The following SMCHD1 variants were observed in gnomAD, a reference collection of about 807,000 sequenced individuals.
SMCHD1 encodes structural maintenance of chromosomes flexible hinge domain-containing protein 1.
A neutral mutation model predicts 254.7 loss-of-function variants in SMCHD1; 78 were observed. The ratio of observed to expected loss-of-function variants is 0.31; its 90% CI spans 0.26 to 0.37. The LOEUF is 0.37. Among genes scored for constraint, SMCHD1 ranks in the 10% least tolerant of loss-of-function variants. The pLI, the probability that SMCHD1 is intolerant of heterozygous loss-of-function variation, is 1.00. For synonymous variants in SMCHD1, 766 were observed against 794.9 expected (o/e 0.96, Z 0.61); for missense variants, 1,840 against 2,408.1 (o/e 0.76, Z 4.94).
intron 1 of SMCHD1, among the ~76,000 whole-genome samples, chr18:2,664,747 C>T (rs1036698132): frequency 2.6e-5 from 4 of 152,176 alleles, no homozygotes; most frequent in African/African-American, 9.7e-5. Context: ...CAGCAGGATT[C>T]CTCCATAAGG....
At chr18:2,775,051 C>T (rs2076043591) in intron 41 of SMCHD1, among the ~76,000 whole-genome samples, 1 of 139,048 alleles carries the variant, frequency 7.2e-6, no homozygotes, top group South Asian at 2.3e-4. Flanking sequence ...TTCCTAGAAA[C>T]AGAAGCAAAA....
chr18:2,687,531 G>A (rs947066830), intron 5 of SMCHD1, among the ~76,000 whole-genome samples: 9 of 151,956 alleles, frequency 5.9e-5, no homozygotes, highest in African/African-American at 2.2e-4. Flanking sequence ...TTACAGTGAT[G>A]TTGATTTCTT....
At chr18:2,666,094 A>G (rs2073427623) in intron 1 of SMCHD1, 63 bp from the exon 2 acceptor site, 2 of 742,216 alleles carry the variant, frequency 2.7e-6, no homozygotes, top group South Asian at 1.9e-5. Flanking sequence ...ATATTTTTAT[A>G]AATTTGAATA....
chr18:2,782,073 T>C (rs2076165557), intron 44 of SMCHD1, among the ~76,000 whole-genome samples: 1 of 152,232 alleles, frequency 6.6e-6, no homozygotes, highest in East Asian at 1.9e-4. Context: ...ATAGCACATA[T>C]TGATTTCCTT....
Position 2,775,890 on chromosome 18 carries a change from T to A in SMCHD1, c.5332T>A (p.Ser1778Thr). 6.2e-7 allele frequency: 1 copy of A among 1,604,946 alleles called. No individual in the cohort carries two copies. The highest frequency in any genetic ancestry group is 1.1e-5 in the South Asian group (1 of 89,200). The change falls in exon 42 of 48, where the codon TCT becomes ACT. Residue 1778 changes from serine to threonine, a missense_variant. Ser to Thr is a moderately conservative substitution (Grantham distance 58, BLOSUM62 1). Around this residue, in one of 9 missense-constraint regions of SMCHD1, gnomAD observed 114 missense variants for 217.6 expected, o/e 0.52. Coordinates refer to ENST00000320876, the MANE Select transcript of SMCHD1 (RefSeq NM_015295.3). ...TCGTCAGCAGGTGTTGCCCCTTGAT[T>A]CTATTTACAAGAAGACTCTTCCAGA... Reference protein sequence around the residue: ...QGRQQVLPLDSIYKKTLPDWK... With the variant: ...QGRQQVLPLDTIYKKTLPDWK...
chr18:2,734,664 A>G (rs1177484200), intron 25 of SMCHD1, among the ~76,000 whole-genome samples: 2 of 98,862 alleles, frequency 2.0e-5, no homozygotes, highest in African/African-American at 3.8e-5. Flanking sequence ...TTTTTTTTTT[A>G]ATACAATAAA....
At chr18:2,780,264 AAAG>A (rs1373054280) in intron 44 of SMCHD1, among the ~76,000 whole-genome samples, 1,479 of 115,234 alleles carry the variant, frequency 0.013, 35 homozygotes, top group East Asian at 0.024. Flanking sequence ...AAAAAAAAAA[AAAG>A]GCAATAATAA....
rs199921653 is a variant in SMCHD1, at chr18:2,792,861, GTGA to G, written c.5720-3083_5720-3081del. Reference sequence around the variant, plus strand: ...TGTTTTGTTATGGGAATAGAGCAGTGTGATGATCTCTCATGGACCTGTCACCTA... The same window carrying G: ...TGTTTTGTTATGGGAATAGAGCAGTGTGATCTCTCATGGACCTGTCACCTA... On this transcript the variant is annotated intron_variant, in intron 45 of 47. Transcript: ENST00000320876. 9.8e-5 allele frequency among the ~76,000 whole-genome samples: 15 copies of G among 152,290 alleles called. No individual in the cohort carries two copies. In the East Asian group the frequency reaches 2.1e-3, roughly 22 times the overall value.
At chr18:2,725,673 G>A (rs1164386317) in intron 21 of SMCHD1, among the ~76,000 whole-genome samples, 4 of 151,728 alleles carry the variant, frequency 2.6e-5, no homozygotes, top group African/African-American at 4.8e-5. Flanking sequence ...AACAGAGCAT[G>A]TGTATTTTTT....
chr18:2,800,924 C>T (rs185942190), intron 47 of SMCHD1: 1 of 152,172 alleles, frequency 6.6e-6, no homozygotes. Context: ...AGAGACTAGA[C>T]CTCTTTTATA....
At chr18:2,751,422 TA>T in intron 33 of SMCHD1, 29 bp downstream of exon 33, 1 of 1,255,852 alleles carries the variant, frequency 8.0e-7, no homozygotes, top group Admixed American at 2.4e-5. Flanking sequence ...TTTTTGAAGT[TA>T]AAAATAGTTC....
At position 2,750,159 on chromosome 18, in the gene SMCHD1, G is replaced by A. The variant is rs780173251; in HGVS notation, c.4007+37G>A. 5.2e-6 allele frequency: 8 copies of A among 1,546,584 alleles called. No homozygotes were observed. The African/African-American group carries it at 9.6e-5, about 19-fold the overall frequency. ...AAGTTTGATAGTTGTTGGTGTTATA[G>A]AGATTCGTTTTTCTTACTGCTTGCC... On this transcript the variant is annotated intron_variant, in intron 31 of 47. Coordinates refer to ENST00000320876, the MANE Select transcript of SMCHD1 (RefSeq NM_015295.3).
chr18:2,677,044 A>AT (rs2073767553), intron 5 of SMCHD1, among the ~76,000 whole-genome samples: 1 of 151,844 alleles, frequency 6.6e-6, no homozygotes, highest in Non-Finnish European at 1.5e-5. Context: ...TAATATTTCA[A>AT]TTTTTCTGTA....
At chr18:2,781,876 G>A (rs1291883150) in intron 44 of SMCHD1, among the ~76,000 whole-genome samples, 2 of 152,138 alleles carry the variant, frequency 1.3e-5, no homozygotes, top group African/African-American at 2.4e-5. Flanking sequence ...GAATGAGAGA[G>A]CATCTAACCA....
intron 1 of SMCHD1, among the ~76,000 whole-genome samples, chr18:2,659,279 G>A (rs1228143554): frequency 6.6e-6 from 1 of 152,050 alleles, no homozygotes; most frequent in African/African-American, 2.4e-5. Flanking sequence ...CACCACGCCT[G>A]GCTAATTTTA....
At chr18:2,768,873 G>C (rs1299608002) in intron 37 of SMCHD1, among the ~76,000 whole-genome samples, 1 of 132,520 alleles carries the variant, frequency 7.5e-6, no homozygotes, top group African/African-American at 2.4e-5. Flanking sequence ...ACCACATTCA[G>C]AAACTGATTG....
intron 34 of SMCHD1, among the ~76,000 whole-genome samples, chr18:2,758,030 G>A (rs2075715402): frequency 6.6e-6 from 1 of 152,104 alleles, no homozygotes; most frequent in South Asian, 2.1e-4. Context: ...TGGGAATCAT[G>A]AGGATTAGTG....
At chr18:2,769,611 G>A (rs1430169727) in intron 37 of SMCHD1, 83 bp from the exon 38 acceptor site, 3 of 1,421,810 alleles carry the variant, frequency 2.1e-6, no homozygotes, top group Non-Finnish European at 2.9e-6. Context: ...CTTGAAAACA[G>A]CATAATGAGT....
chr18:2,767,479 A>G (rs1001870941), intron 37 of SMCHD1, among the ~76,000 whole-genome samples: 1 of 152,120 alleles, frequency 6.6e-6, no homozygotes, highest in African/African-American at 2.4e-5. Flanking sequence ...GTTCTAAGAA[A>G]TACATCATCA....
Sources: allele counts gnomAD v4.1 joint callset (sites outside exome capture counted in the v4.1 genomes callset), GRCh38; gene constraint gnomAD v4.1.1; regional missense constraint gnomAD v4.1.1; transcripts MANE v1.5; gene names NCBI Gene and HGNC (gene_info 2026-07-23, HGNC 2026-07-21).